Variants in FYN observed in about 807,000 individuals in gnomAD.
The protein encoded by FYN is FYN proto-oncogene, Src family tyrosine kinase, also known as tyrosine-protein kinase Fyn.
Under a neutral mutation model 70.2 loss-of-function variants are expected in FYN, and 10 were observed. The observed-to-expected ratio is 0.14, with a 90% CI of 0.09 to 0.24. The LOEUF is 0.24. Among genes scored for constraint, FYN ranks in the 10% least tolerant of loss-of-function variants. FYN has a pLI of 1.00. For missense variants in FYN, 319 were observed against 673.1 expected (o/e 0.47, Z 5.82); for synonymous variants, 236 against 248.6 (o/e 0.95, Z 0.48).
intron 13 of FYN, among the ~76,000 whole-genome samples, chr6:111,662,563 ATTG>A (rs1413636784): frequency 6.6e-6 from 1 of 152,262 alleles, no homozygotes; most frequent in Admixed American, 6.5e-5. Flanking sequence ...CATCCTTAAA[ATTG>A]TTGAATTTTA....
chr6:111,722,896 C>T (rs1340888350), intron 3 of FYN, among the ~76,000 whole-genome samples: 1 of 152,232 alleles, frequency 6.6e-6, no homozygotes, highest in Non-Finnish European at 1.5e-5. Flanking sequence ...AGTTTAACAG[C>T]TGTTTCCCTT....
intron 2 of FYN, among the ~76,000 whole-genome samples, chr6:111,845,453 C>G (rs992537641): frequency 2.0e-5 from 3 of 152,208 alleles, no homozygotes; most frequent in Non-Finnish European, 4.4e-5. Context: ...AAGCCCGTGA[C>G]TAGCAGTAGA....
intron 3 of FYN, among the ~76,000 whole-genome samples, chr6:111,778,692 T>C (rs1360441292): frequency 6.6e-6 from 1 of 151,800 alleles, no homozygotes; most frequent in African/African-American, 2.4e-5. Flanking sequence ...GATGGGGTTT[T>C]ATCATGTTGG....
intron 2 of FYN, among the ~76,000 whole-genome samples, chr6:111,836,757 G>C (rs1773201276): frequency 6.6e-6 from 1 of 152,142 alleles, no homozygotes; most frequent in African/African-American, 2.4e-5. Context: ...GTGAGATTGT[G>C]TCTCAAAAAA....
intron 1 of FYN, among the ~76,000 whole-genome samples, chr6:111,850,104 C>T (rs1259282186): frequency 6.6e-6 from 1 of 152,168 alleles, no homozygotes; most frequent in African/African-American, 2.4e-5. Flanking sequence ...TACTACTACC[C>T]AGCAATTCTT....
chr6:111,808,129 A>T (rs1772210328), intron 2 of FYN, among the ~76,000 whole-genome samples: 1 of 152,034 alleles, frequency 6.6e-6, no homozygotes, highest in Non-Finnish European at 1.5e-5. Context: ...AAAACAAAAA[A>T]CAAAAAAAAC....
intron 3 of FYN, among the ~76,000 whole-genome samples, chr6:111,764,890 TTC>T (rs1276899175): frequency 6.6e-6 from 1 of 152,144 alleles, no homozygotes; most frequent in Non-Finnish European, 1.5e-5. Context: ...CTGTGGCTCA[TTC>T]TCTCTTGTTC....
intron 3 of FYN, among the ~76,000 whole-genome samples, chr6:111,779,717 T>C (rs1771099018): frequency 6.6e-6 from 1 of 152,162 alleles, no homozygotes; most frequent in Non-Finnish European, 1.5e-5. Flanking sequence ...CAACATCAAA[T>C]GGATGTAACC....
chr6:111,778,056 C>G (rs1240457129), intron 3 of FYN, among the ~76,000 whole-genome samples: 3 of 152,176 alleles, frequency 2.0e-5, no homozygotes, highest in Admixed American at 6.5e-5. Context: ...TAACAGCATC[C>G]ACAGAAGCAA....
At chr6:111,812,256 G>C (rs1185111012) in intron 2 of FYN, among the ~76,000 whole-genome samples, 1 of 152,222 alleles carries the variant, frequency 6.6e-6, no homozygotes, top group Non-Finnish European at 1.5e-5. Context: ...GGGGTGACAA[G>C]GCCTCTGGGA....
chr6:111,775,685 A>G (rs1484923857), intron 3 of FYN, among the ~76,000 whole-genome samples: 1 of 152,240 alleles, frequency 6.6e-6, no homozygotes, highest in African/African-American at 2.4e-5. Context: ...TTTCGTGTGC[A>G]TAAGCACCGC....
At chr6:111,730,200 C>T (rs932476485) in intron 3 of FYN, among the ~76,000 whole-genome samples, 1 of 152,006 alleles carries the variant, frequency 6.6e-6, no homozygotes, top group Admixed American at 6.6e-5. Context: ...TGGGAGTGGG[C>T]GGTGAGTGCA....
chr6:111,793,414 C>T lies in FYN; in HGVS notation c.-81-12779G>A, dbSNP rs1012108607. Among the ~76,000 whole-genome samples, 20 of 152,134 alleles carry T rather than the reference C, an allele frequency of 1.3e-4. No individual in the cohort carries two copies. In the South Asian group the frequency reaches 1.7e-3, roughly 13 times the overall value. ...CTGGGGCCTTGGTTTACAGTCTGCG[C>T]ATCCCCAGATGAGAAAGCCCTTGGG... On this transcript the variant is annotated intron_variant, in intron 2 of 13. Transcript: ENST00000354650.
chr6:111,710,874 C>T (rs544370424), intron 5 of FYN, among the ~76,000 whole-genome samples: 6 of 152,150 alleles, frequency 3.9e-5, no homozygotes, highest in Non-Finnish European at 4.4e-5. Flanking sequence ...TTTCTTTAAA[C>T]GGTTCTTATA....
At chr6:111,851,724 CAT>C (rs1240377645) in intron 1 of FYN, among the ~76,000 whole-genome samples, 1 of 151,902 alleles carries the variant, frequency 6.6e-6, no homozygotes, top group Non-Finnish European at 1.5e-5. Flanking sequence ...GCAAGGGTCA[CAT>C]ATTTAAAAAC....
intron 12 of FYN, among the ~76,000 whole-genome samples, chr6:111,689,616 CTGT>C (rs981918776): frequency 1.3e-5 from 2 of 152,186 alleles, no homozygotes; most frequent in African/African-American, 4.8e-5. Context: ...AAAAGAACTA[CTGT>C]TCCATGCAGC....
At chr6:111,672,551 C>G (rs577043154) in intron 13 of FYN, among the ~76,000 whole-genome samples, 112 of 152,220 alleles carry the variant, frequency 7.4e-4, no homozygotes, top group Non-Finnish European at 1.3e-3. Context: ...GTAGTCCATC[C>G]TTTCAGGATG....
At chr6:111,782,441 G>A (rs1771209936) in intron 2 of FYN, among the ~76,000 whole-genome samples, 4 of 152,068 alleles carry the variant, frequency 2.6e-5, no homozygotes, top group Admixed American at 2.6e-4. Flanking sequence ...CAGCCTATGA[G>A]GTCCTAAACA....
intron 3 of FYN, among the ~76,000 whole-genome samples, chr6:111,724,099 C>T (rs1801079719): frequency 6.6e-6 from 1 of 152,170 alleles, no homozygotes; most frequent in African/African-American, 2.4e-5. Context: ...GCAAATAAAA[C>T]TTGATCTATT....
Sources: allele counts gnomAD v4.1 joint callset (sites outside exome capture counted in the v4.1 genomes callset), GRCh38; gene constraint gnomAD v4.1.1; transcripts MANE v1.5; gene names NCBI Gene and HGNC (gene_info 2026-07-23, HGNC 2026-07-21).